PKHD1: variants seen among roughly 807,000 people sequenced by gnomAD.
The protein encoded by PKHD1 is fibrocystin.
In PKHD1, 291 loss-of-function variants were observed where a neutral mutation model predicts 412.0. The observed-to-expected ratio is 0.71, with a 90% CI of 0.64 to 0.78. PKHD1 has a LOEUF of 0.78. Among genes scored for constraint, PKHD1 ranks in the 30% least tolerant of loss-of-function variants. The pLI, the probability that PKHD1 is intolerant of heterozygous loss-of-function variation, is 0.00. For synonymous variants in PKHD1, 1,777 were observed against 1,821.5 expected (o/e 0.98, Z 0.62); for missense variants, 4,825 against 4,950.7 (o/e 0.97, Z 0.76).
chr6:51,683,010 CA>C (rs1185251142), intron 60 of PKHD1, among the ~76,000 whole-genome samples: 7 of 152,002 alleles, frequency 4.6e-5, no homozygotes, highest in African/African-American at 9.7e-5. Context: ...CCCAAACAAT[CA>C]GCTAACTAGC....
At chr6:51,987,688 A>G (rs1365125380) in intron 35 of PKHD1, among the ~76,000 whole-genome samples, 1 of 152,156 alleles carries the variant, frequency 6.6e-6, no homozygotes, top group African/African-American at 2.4e-5. Flanking sequence ...GGTGAGCCCA[A>G]TCAGTTTTGT....
chr6:51,635,868 C>A (rs943364209), intron 64 of PKHD1, among the ~76,000 whole-genome samples: 5 of 46,074 alleles, frequency 1.1e-4, no homozygotes, highest in Non-Finnish European at 1.8e-4. Flanking sequence ...TGGGGGGGGG[C>A]GGGGGGCCGG....
At chr6:52,042,731 A>G (rs183573598) in intron 27 of PKHD1, 128 bp downstream of exon 27, 6 of 829,202 alleles carry the variant, frequency 7.2e-6, no homozygotes, top group African/African-American at 5.0e-5. Context: ...TTAAATACTT[A>G]TGTCAGTAAA....
Position 52,059,936 on chromosome 6 carries a change from T to G in PKHD1, c.1225A>C (p.Arg409=), listed in dbSNP as rs187962806. Residue 409 remains arginine (R), a synonymous_variant, in exon 15 of 67, where the codon AGG becomes CGG. Coordinates refer to ENST00000371117, the MANE Select transcript of PKHD1 (RefSeq NM_138694.4). ...SLHFSWSEEP[R]TKVKVASISV... is the part of the protein sequence containing the mutation. Reference sequence around the variant, plus strand: ...GAGAAGACAGTGAATACCTTAGTCCTTGGTTCCTCTGACCAACTGAAATGC... The same window carrying G: ...GAGAAGACAGTGAATACCTTAGTCCGTGGTTCCTCTGACCAACTGAAATGC... The G allele has an allele frequency of 2.7e-6, 4 of 1,495,402 alleles. No individual in the cohort carries two copies. The African/African-American group carries it at 5.5e-5, about 21-fold the overall frequency. 92.6% of individuals were successfully genotyped at this position (1,495,402 alleles called of 1,614,324 possible).
At chr6:51,914,002 T>C (rs115749365) in intron 37 of PKHD1, among the ~76,000 whole-genome samples, 5 of 152,144 alleles carry the variant, frequency 3.3e-5, no homozygotes, top group Non-Finnish European at 7.4e-5. Flanking sequence ...TATATGCATA[T>C]ATATGTGAAT....
chr6:52,010,152 A>G (rs1298350241), intron 35 of PKHD1, among the ~76,000 whole-genome samples, 157 bp downstream of exon 35: 1 of 152,180 alleles, frequency 6.6e-6, no homozygotes, highest in Non-Finnish European at 1.5e-5. Context: ...TTAACTATGA[A>G]TTCAGATATT....
intron 35 of PKHD1, among the ~76,000 whole-genome samples, chr6:51,972,597 C>T (rs1425233586): frequency 1.3e-5 from 2 of 152,160 alleles, no homozygotes; most frequent in African/African-American, 2.4e-5. Context: ...AAACCATCAC[C>T]CTCATCTTTG....
At chr6:52,065,411 C>G (rs571077815) in intron 12 of PKHD1, among the ~76,000 whole-genome samples, 1 of 151,902 alleles carries the variant, frequency 6.6e-6, no homozygotes, top group African/African-American at 2.4e-5. Context: ...TCATTGGGGA[C>G]GTACTGAACC....
intron 60 of PKHD1, among the ~76,000 whole-genome samples, chr6:51,715,330 ATGCTT>A (rs540385083): frequency 0.028 from 4,269 of 152,236 alleles, 216 homozygotes; most frequent in African/African-American, 0.098. Flanking sequence ...CTCCTTCATT[ATGCTT>A]CTTCCTGAAA....
At chr6:51,814,890 G>A (rs564348045) in intron 52 of PKHD1, among the ~76,000 whole-genome samples, 1 of 152,004 alleles carries the variant, frequency 6.6e-6, no homozygotes, top group East Asian at 1.9e-4. Context: ...CTGCAGGGAA[G>A]CACATCTCAC....
At chr6:51,870,816 A>G (rs1775873060) in intron 46 of PKHD1, among the ~76,000 whole-genome samples, 177 bp from the exon 47 acceptor site, 2 of 152,156 alleles carry the variant, frequency 1.3e-5, no homozygotes, top group Non-Finnish European at 2.9e-5. Flanking sequence ...AAGAACTCTT[A>G]GGTTTCAACA....
intron 50 of PKHD1, among the ~76,000 whole-genome samples, chr6:51,837,424 C>A (rs1769426128): frequency 6.6e-6 from 1 of 152,084 alleles, no homozygotes; most frequent in African/African-American, 2.4e-5. Flanking sequence ...AAAACATAAG[C>A]AGCCAGGCGC....
intron 60 of PKHD1, among the ~76,000 whole-genome samples, chr6:51,742,276 A>G (rs1009368962): frequency 3.3e-5 from 5 of 152,208 alleles, no homozygotes; most frequent in African/African-American, 1.2e-4. Context: ...TGCGCTTGGC[A>G]CTGACTTTAA....
At chr6:51,643,759 G>A (rs536879235) in intron 63 of PKHD1, among the ~76,000 whole-genome samples, 15 of 152,044 alleles carry the variant, frequency 9.9e-5, no homozygotes, top group Admixed American at 2.6e-4. Flanking sequence ...AACATGCGCC[G>A]TGGTGGTTGG....
At chr6:51,857,139 A>G (rs1369763964) in intron 48 of PKHD1, among the ~76,000 whole-genome samples, 1 of 152,216 alleles carries the variant, frequency 6.6e-6, no homozygotes, top group African/African-American at 2.4e-5. Context: ...TCATTAAAGC[A>G]TAAGTAGATT....
At chr6:52,045,165 T>C (rs1325321671) in intron 24 of PKHD1, 77 bp from the exon 25 acceptor site, 2 of 1,416,308 alleles carry the variant, frequency 1.4e-6, no homozygotes, top group Non-Finnish European at 2.0e-6. Context: ...ATAAAGAGTT[T>C]TTTCACATTG....
intron 60 of PKHD1, among the ~76,000 whole-genome samples, chr6:51,685,042 A>C (rs1351664135): frequency 2.6e-5 from 4 of 152,152 alleles, no homozygotes; most frequent in Admixed American, 2.6e-4. Flanking sequence ...CTTGAATTTA[A>C]GGCTGATTTT....
At chr6:51,937,821 C>T (rs751404270) in intron 36 of PKHD1, among the ~76,000 whole-genome samples, 11 of 152,164 alleles carry the variant, frequency 7.2e-5, no homozygotes, top group Non-Finnish European at 1.3e-4. Flanking sequence ...GACACCTATT[C>T]AACCCTTAAT....
chr6:51,778,614 CT>C (rs1562291555), intron 53 of PKHD1, among the ~76,000 whole-genome samples: 1 of 151,936 alleles, frequency 6.6e-6, no homozygotes, highest in Non-Finnish European at 1.5e-5. Flanking sequence ...CTAAAATCAC[CT>C]GGAGAGATGG....
Sources: gnomAD v4.1 joint callset for allele counts (sites outside exome capture counted in the v4.1 genomes callset) on GRCh38, gnomAD v4.1.1 for gene constraint, MANE v1.5 for transcripts, NCBI Gene and HGNC (gene_info 2026-07-23, HGNC 2026-07-21) for gene names.